The following CCDC175 variants were observed in gnomAD, a reference collection of about 807,000 sequenced individuals.
CCDC175 encodes coiled-coil domain containing 175.
A neutral mutation model predicts 114.6 loss-of-function variants in CCDC175; 100 were observed. The observed-to-expected ratio is 0.87, with a 90% CI of 0.74 to 1.03. The LOEUF (loss-of-function observed/expected upper bound fraction) is 1.03. CCDC175 is among the 50% of genes least tolerant of loss of function. The pLI, the probability that CCDC175 is intolerant of heterozygous loss-of-function variation, is 0.00. For missense variants in CCDC175, 880 were observed against 917.8 expected (o/e 0.96, Z 0.53); for synonymous variants, 306 against 308.7 (o/e 0.99, Z 0.09).
chr14:59,516,368 A>G (rs1041692826), intron 17 of CCDC175, among the ~76,000 whole-genome samples: 12 of 152,302 alleles, frequency 7.9e-5, no homozygotes, highest in Admixed American at 2.0e-4. Flanking sequence ...AAAAAAATCA[A>G]TGAATCCAGG....
At chr14:59,513,293 T>A (rs1467175818) in intron 17 of CCDC175, among the ~76,000 whole-genome samples, 1 of 152,120 alleles carries the variant, frequency 6.6e-6, no homozygotes, top group Non-Finnish European at 1.5e-5. Context: ...TGGGTTCATC[T>A]CACTGGGGAG....
intron 8 of CCDC175, among the ~76,000 whole-genome samples, chr14:59,545,862 C>T (rs1464840875): frequency 6.6e-6 from 1 of 152,086 alleles, no homozygotes; most frequent in Non-Finnish European, 1.5e-5. Context: ...AAAATAGCTA[C>T]ATGAAAAAAT....
At position 59,519,637 on chromosome 14, in the gene CCDC175, A is replaced by G. The variant is rs377008514; in HGVS notation, c.2098+1937T>C. Among the ~76,000 whole-genome samples the G allele has an allele frequency of 3.0e-4, 45 of 152,298 alleles. No homozygotes were observed. The East Asian group carries it at 4.2e-3, about 14-fold the overall frequency. On this transcript the variant is annotated intron_variant, in intron 17 of 19. Coordinates refer to ENST00000537690, the MANE Select transcript of CCDC175 (RefSeq NM_001164399.2). ...CAATGAGTAAAAGATTTGGACAGAC[A>G]TGTGACAGATTGTATTTTCCAAAGA... is the stretch of plus-strand genomic sequence containing the variant.
intron 17 of CCDC175, among the ~76,000 whole-genome samples, chr14:59,512,973 G>C (rs1036359418): frequency 1.3e-5 from 2 of 152,128 alleles, no homozygotes. Context: ...TGAAGCTATA[G>C]TAATTAAGAC....
At chr14:59,515,474 C>A (rs572080944) in intron 17 of CCDC175, among the ~76,000 whole-genome samples, 1 of 152,170 alleles carries the variant, frequency 6.6e-6, no homozygotes, top group African/African-American at 2.4e-5. Flanking sequence ...GGAGGAAGAT[C>A]TACCAAACAA....
At chr14:59,554,211 A>G (rs142168359) in intron 7 of CCDC175, among the ~76,000 whole-genome samples, 5,296 of 152,276 alleles carry the variant, frequency 0.035, 159 homozygotes, top group Middle Eastern at 0.096. Context: ...CCACATAGTT[A>G]GAACTAAAGC....
intron 7 of CCDC175, among the ~76,000 whole-genome samples, chr14:59,552,096 T>C (rs1284695432): frequency 6.6e-6 from 1 of 152,226 alleles, no homozygotes; most frequent in Non-Finnish European, 1.5e-5. Context: ...TAAACGTCCA[T>C]GTCTGACACC....
chr14:59,569,232 T>C (rs1411589009), intron 3 of CCDC175, among the ~76,000 whole-genome samples: 2 of 152,162 alleles, frequency 1.3e-5, no homozygotes, highest in Non-Finnish European at 2.9e-5. Flanking sequence ...GCTAGGACAT[T>C]TTTTTTCTAG....
rs891308278 is a variant in CCDC175, at chr14:59,531,872, C to G, written c.1662G>C (p.Lys554Asn). Residue 554 changes from lysine to asparagine, a missense_variant, in exon 14 of 20, where the codon AAG (lysine) becomes AAC (asparagine). By Grantham distance (94) the Lys-to-Asn change is moderately conservative. Transcript: ENST00000537690. Reference protein sequence around the residue: ...FVKETQINKEKEEELVEYLPQ... With the variant: ...FVKETQINKENEEELVEYLPQ... ...GAAGATACTCAACTAGTTCTTCTTC[C>G]TTTTCTTTGTTAATTTGTGTTTCCT... 18 of 1,287,000 alleles carry G rather than the reference C, an allele frequency of 1.4e-5. No homozygotes were observed. In the Middle Eastern group the frequency reaches 5.6e-4, roughly 40 times the overall value. 79.7% of individuals were successfully genotyped at this position (1,287,000 alleles called of 1,614,324 possible).
At chr14:59,539,133 C>T (rs1328735556) in intron 11 of CCDC175, among the ~76,000 whole-genome samples, 1 of 152,188 alleles carries the variant, frequency 6.6e-6, no homozygotes, top group Non-Finnish European at 1.5e-5. Context: ...ATGAGGAAGG[C>T]TTGGGGCAAG....
chr14:59,554,671 C>G (rs1487780541), intron 7 of CCDC175, among the ~76,000 whole-genome samples: 1 of 152,092 alleles, frequency 6.6e-6, no homozygotes, highest in Non-Finnish European at 1.5e-5. Context: ...ATCAATGAAT[C>G]CAGGAGCTGG....
chr14:59,552,598 A>G (rs1242740385), intron 7 of CCDC175, among the ~76,000 whole-genome samples: 1 of 152,224 alleles, frequency 6.6e-6, no homozygotes, highest in African/African-American at 2.4e-5. Context: ...CTCACCAGCA[A>G]TGGAACAAAG....
chr14:59,533,856 G>A (rs1595015656), intron 13 of CCDC175, among the ~76,000 whole-genome samples: 1 of 152,028 alleles, frequency 6.6e-6, no homozygotes, highest in Non-Finnish European at 1.5e-5. Context: ...AGGCCTGGTG[G>A]CATGCACCTG....
intron 13 of CCDC175, among the ~76,000 whole-genome samples, chr14:59,532,157 C>T (rs1468553426): frequency 6.6e-6 from 1 of 152,192 alleles, no homozygotes; most frequent in Non-Finnish European, 1.5e-5. Context: ...ATCCCTTCTG[C>T]TTTAAACCTC....
In CCDC175 at chr14:59,513,312, A is replaced by G. The variant is rs551677233; in HGVS notation, c.2099-1509T>C. On this transcript the variant is annotated intron_variant, in intron 17 of 19. Transcript: ENST00000537690. ...TTCATCTCACTGGGGAGTGTCAGAA[A>G]GTGGGTGCAGGACAGTGGGTGCAGT... 2.1e-3 allele frequency among the ~76,000 whole-genome samples: 320 copies of G among 152,238 alleles called. 1 individual carries two copies. Among genetic ancestry groups the G allele is most frequent in the African/African-American group, 6.9e-3 (287 of 41,530 alleles).
chr14:59,542,294 C>T (rs375357535), intron 10 of CCDC175, among the ~76,000 whole-genome samples: 3 of 152,274 alleles, frequency 2.0e-5, no homozygotes, highest in East Asian at 3.9e-4. Context: ...ATATGTGGTT[C>T]ATTAATTATT....
intron 17 of CCDC175, among the ~76,000 whole-genome samples, chr14:59,520,209 A>G (rs957142444): frequency 3.9e-5 from 6 of 152,238 alleles, no homozygotes; most frequent in African/African-American, 1.4e-4. Context: ...ATACTCAACA[A>G]CATTACTCAT....
intron 10 of CCDC175, 41 bp from the exon 11 acceptor site, chr14:59,540,787 T>C: frequency 6.9e-7 from 1 of 1,452,544 alleles, no homozygotes; most frequent in Non-Finnish European, 9.3e-7. Flanking sequence ...TTATGGGAGC[T>C]GTTAGAATAT....
intron 11 of CCDC175, 129 bp from the exon 12 acceptor site, chr14:59,538,969 C>T: frequency 1.5e-5 from 11 of 723,598 alleles, no homozygotes; most frequent in Non-Finnish European, 2.3e-5. Context: ...GTGTTGCAGA[C>T]TACACACATT....
Sources: gnomAD v4.1 joint callset for allele counts (sites outside exome capture counted in the v4.1 genomes callset) on GRCh38, gnomAD v4.1.1 for gene constraint, MANE v1.5 for transcripts, NCBI Gene and HGNC (gene_info 2026-07-23, HGNC 2026-07-21) for gene names.